ENTREP2: variants seen among roughly 807,000 people sequenced by gnomAD.
ENTREP2 encodes endosomal transmembrane epsin interactor 2, also known as protein ENTREP2.
At chr15:29,225,293 A>G in the ENTREP2 span, among the ~76,000 whole-genome samples, 1 of 152,386 alleles carries the variant, frequency 6.6e-6, no homozygotes, top group African/African-American at 2.4e-5. Flanking sequence ...GAGGGCTGCC[A>G]GCATGCTGTC....
chr15:29,566,260 G>A, the ENTREP2 span, among the ~76,000 whole-genome samples: 7 of 151,348 alleles, frequency 4.6e-5, no homozygotes, highest in African/African-American at 9.7e-5. Context: ...CTGGGTTCAC[G>A]CCATTCTCCT....
At chr15:29,255,034 T>C in the ENTREP2 span, among the ~76,000 whole-genome samples, 1 of 152,206 alleles carries the variant, frequency 6.6e-6, no homozygotes, top group Admixed American at 6.5e-5. Context: ...CCACTCAAGT[T>C]GACACCTGGG....
At chr15:29,603,293 C>G in the ENTREP2 span, among the ~76,000 whole-genome samples, 1 of 152,184 alleles carries the variant, frequency 6.6e-6, no homozygotes, top group Non-Finnish European at 1.5e-5. Context: ...GGTCCCAGAA[C>G]AGCAGCATCA....
chr15:29,597,606 C>T, the ENTREP2 span, among the ~76,000 whole-genome samples: 5 of 151,562 alleles, frequency 3.3e-5, no homozygotes, highest in African/African-American at 7.2e-5. Flanking sequence ...CTTTGTTGGG[C>T]TTGATAGCTC....
chr15:29,658,960 A>G, the ENTREP2 span, among the ~76,000 whole-genome samples: 1 of 152,216 alleles, frequency 6.6e-6, no homozygotes, highest in Admixed American at 6.5e-5. Flanking sequence ...TTCCCAACTA[A>G]AGAGCAATGA....
At chr15:29,130,457 G>T in the ENTREP2 span, among the ~76,000 whole-genome samples, 1 of 152,244 alleles carries the variant, frequency 6.6e-6, no homozygotes, top group South Asian at 2.1e-4. Flanking sequence ...CTCCCCTCCC[G>T]TATCTAACCC....
the ENTREP2 span, chr15:29,136,952 C>T: frequency 8.5e-7 from 1 of 1,176,080 alleles, no homozygotes; most frequent in Non-Finnish European, 1.1e-6. Context: ...GCCATGCCTG[C>T]AGGACCACTG....
the ENTREP2 span, among the ~76,000 whole-genome samples, chr15:29,252,147 GAA>G: frequency 2.6e-5 from 4 of 152,094 alleles, no homozygotes; most frequent in African/African-American, 9.7e-5. Context: ...TTTACAAGAA[GAA>G]AAAGTTTTAA....
At chr15:29,200,304 T>C in the ENTREP2 span, among the ~76,000 whole-genome samples, 3 of 152,112 alleles carry the variant, frequency 2.0e-5, no homozygotes, top group African/African-American at 4.8e-5. Flanking sequence ...GCCTCCCAGA[T>C]AGTTGGAATT....
chr15:29,350,780 TAAA>T, the ENTREP2 span, among the ~76,000 whole-genome samples: 1 of 152,046 alleles, frequency 6.6e-6, no homozygotes, highest in South Asian at 2.1e-4. Flanking sequence ...CTGTCTATAC[TAAA>T]AATACAAAAA....
chr15:29,128,275 C>T, the ENTREP2 span, among the ~76,000 whole-genome samples: 46 of 152,280 alleles, frequency 3.0e-4, no homozygotes, highest in African/African-American at 9.9e-4. Flanking sequence ...TCCCCCGCCC[C>T]GGCTCTGCAC....
chr15:29,235,256 TTC>T, the ENTREP2 span: 2 of 504,502 alleles, frequency 4.0e-6, no homozygotes, highest in Non-Finnish European at 3.6e-6. Context: ...TAAGGAAAGC[TTC>T]TGTTTTCCAA....
chr15:29,615,619 C>T, the ENTREP2 span, among the ~76,000 whole-genome samples: 3 of 152,092 alleles, frequency 2.0e-5, no homozygotes, highest in African/African-American at 7.2e-5. Flanking sequence ...GGTGTGTTCC[C>T]CCACCTAAAT....
At chr15:29,661,618 C>T in the ENTREP2 span, among the ~76,000 whole-genome samples, 1 of 152,120 alleles carries the variant, frequency 6.6e-6, no homozygotes. Flanking sequence ...AGGTATGTAA[C>T]ATTAGGTTGA....
the ENTREP2 span, among the ~76,000 whole-genome samples, chr15:29,665,393 G>A: frequency 6.6e-6 from 1 of 152,182 alleles, no homozygotes; most frequent in Non-Finnish European, 1.5e-5. Context: ...TAGCCATTGC[G>A]CTCCCCTAGA....
the ENTREP2 span, among the ~76,000 whole-genome samples, chr15:29,216,675 T>C: frequency 1.3e-5 from 2 of 152,244 alleles, no homozygotes; most frequent in East Asian, 1.9e-4. Flanking sequence ...AATGAACTTA[T>C]GTTTCTAAAC....
the ENTREP2 span, among the ~76,000 whole-genome samples, chr15:29,357,644 T>C: frequency 6.6e-6 from 1 of 152,110 alleles, no homozygotes; most frequent in Non-Finnish European, 1.5e-5. Flanking sequence ...GAGACCATCC[T>C]GCCTAACATG....
chr15:29,427,617 CCTT>C, the ENTREP2 span, among the ~76,000 whole-genome samples: 1 of 152,006 alleles, frequency 6.6e-6, no homozygotes, highest in Non-Finnish European at 1.5e-5. Context: ...CCTCGCCTCT[CCTT>C]CTCTGACTCT....
At chr15:29,136,686 G>A in the ENTREP2 span, among the ~76,000 whole-genome samples, 2 of 149,088 alleles carry the variant, frequency 1.3e-5, no homozygotes, top group African/African-American at 2.5e-5. Context: ...TTTCTGGAAC[G>A]ACATCAACAT....
Sources: gnomAD v4.1 joint callset for allele counts (sites outside exome capture counted in the v4.1 genomes callset) on GRCh38, gnomAD v4.1.1 for gene constraint, MANE v1.5 for transcripts, NCBI Gene and HGNC (gene_info 2026-07-23, HGNC 2026-07-21) for gene names.